Variants in ARHGEF38 observed in about 807,000 individuals in gnomAD.
ARHGEF38 encodes the protein Rho guanine nucleotide exchange factor 38, also known as Rho guanine nucleotide exchange factor (GEF) 38.
In ARHGEF38, 79 loss-of-function variants were observed where a neutral mutation model predicts 79.9. That is an observed-to-expected ratio of 0.99 (90% CI 0.82 to 1.19). ARHGEF38 has a LOEUF of 1.19. Among genes scored for constraint, ARHGEF38 ranks in the 50% most tolerant of loss-of-function variants. The pLI is 0.00. For synonymous variants in ARHGEF38, 366 were observed against 328.3 expected, an observed-to-expected ratio of 1.11 and a Z score of -1.24; for missense variants, 962 against 907.2, an observed-to-expected ratio of 1.06 and a Z score of -0.78.
chr4:105,618,378 C>T (rs1022706237), intron 3 of ARHGEF38, among the ~76,000 whole-genome samples: 36 of 152,146 alleles, frequency 2.4e-4, no homozygotes, highest in African/African-American at 8.2e-4. Context: ...TGGCTCACAC[C>T]TGTAATCCCA....
chr4:105,624,677 T>C (rs912842025), intron 3 of ARHGEF38, among the ~76,000 whole-genome samples: 5 of 152,200 alleles, frequency 3.3e-5, no homozygotes, highest in Admixed American at 3.3e-4. Context: ...GAGAACAGAA[T>C]GAGGCTAGGA....
At chr4:105,555,115 A>G (rs756861333) in intron 1 of ARHGEF38, among the ~76,000 whole-genome samples, 7 of 152,122 alleles carry the variant, frequency 4.6e-5, no homozygotes, top group Non-Finnish European at 8.8e-5. Flanking sequence ...TTTGCAGAAG[A>G]CCTCAGACTT....
chr4:105,627,563 G>A (rs570864266), intron 3 of ARHGEF38, among the ~76,000 whole-genome samples: 6 of 152,230 alleles, frequency 3.9e-5, no homozygotes, highest in South Asian at 2.1e-4. Context: ...TTTGCATGGC[G>A]ATTGCTTTTT....
In ARHGEF38 at chr4:105,680,374, G is replaced by C. The variant is rs1006482411; in HGVS notation, c.*2437G>C. On this transcript the variant is annotated 3_prime_UTR_variant, in exon 14 of 14. Transcript: ENST00000420470. The stretch of plus-strand genomic sequence containing the variant: ...ATCTGTCCATTCATTCATTGAACCA[G>C]TAAGTATTTATTGAGAGTTAGTGGG... 8.5e-6 allele frequency: 2 copies of C among 234,974 alleles called. No homozygotes were observed. The highest frequency in any genetic ancestry group is 4.5e-5 in the African/African-American group (2 of 44,244). The allele number at this position is 234,974 out of a possible 1,614,324, so 14.6% of individuals were successfully genotyped here. A position where few individuals can be genotyped will look rare whatever the true frequency, so the allele number is the denominator to read the frequency against.
chr4:105,670,775 A>T (rs1002326590), intron 13 of ARHGEF38, among the ~76,000 whole-genome samples: 3 of 152,172 alleles, frequency 2.0e-5, no homozygotes, highest in Non-Finnish European at 4.4e-5. Context: ...GTCCTGTCAG[A>T]CTTTGCCTTG....
intron 3 of ARHGEF38, among the ~76,000 whole-genome samples, chr4:105,620,029 A>G (rs1728676429): frequency 6.6e-6 from 1 of 152,202 alleles, no homozygotes; most frequent in Non-Finnish European, 1.5e-5. Flanking sequence ...TTTACTCAAT[A>G]ATAACACTGG....
chr4:105,566,835 C>T (rs1725943649), intron 1 of ARHGEF38, among the ~76,000 whole-genome samples: 1 of 151,494 alleles, frequency 6.6e-6, no homozygotes, highest in Non-Finnish European at 1.5e-5. Flanking sequence ...CTCACCGCAA[C>T]CTCCACCTCC....
rs1002586412 is a variant in ARHGEF38, at chr4:105,659,200, C to T, written c.1380C>T (p.Asp460=). The change falls in exon 10 of 14, where the codon GAC becomes GAT. Residue 460 remains aspartate, a synonymous_variant. Coordinates refer to ENST00000420470, the MANE Select transcript of ARHGEF38 (RefSeq NM_001242729.2). Reference sequence around the variant, plus strand: ...AGCGATCAACGGGAGAGGAGTCAGACTTGGCCAAAAAGGAGTATGAGGCCC... The same window carrying T: ...AGCGATCAACGGGAGAGGAGTCAGATTTGGCCAAAAAGGAGTATGAGGCCC... The part of the protein sequence containing the change: ...YLQRSTGEES[D]LAKKEYEALN... 2.6e-6 allele frequency: 4 copies of T among 1,536,144 alleles called. No individual in the cohort carries two copies. Among genetic ancestry groups the T allele is most frequent in the Non-Finnish European group, 3.5e-6 (4 of 1,146,882 alleles).
chr4:105,623,510 T>C (rs1728822844), intron 3 of ARHGEF38, among the ~76,000 whole-genome samples: 1 of 152,088 alleles, frequency 6.6e-6, no homozygotes, highest in African/African-American at 2.4e-5. Context: ...AAAAAAGTTA[T>C]GTACCTTTTC....
Position 105,631,062 on chromosome 4 carries a change from T to C in ARHGEF38, c.656+17T>C, listed in dbSNP as rs1387822838. 1.1e-5 allele frequency: 17 copies of C among 1,598,828 alleles called. No homozygotes were observed. Among genetic ancestry groups the C allele is most frequent in the Non-Finnish European group, 1.4e-5 (17 of 1,175,124 alleles). ...GTCCTTAAAGTAAGGCCTTTTCAAA[T>C]GATGATTCCCATCTCCTCTCAGTTG... On this transcript the variant is annotated intron_variant, in intron 4 of 13. Coordinates refer to ENST00000420470, the MANE Select transcript of ARHGEF38 (RefSeq NM_001242729.2).
intron 1 of ARHGEF38, among the ~76,000 whole-genome samples, chr4:105,583,749 G>A (rs917629511): frequency 3.3e-5 from 5 of 152,062 alleles, no homozygotes; most frequent in African/African-American, 7.2e-5. Context: ...AGCCTAAGAT[G>A]ATTTTGGGCT....
intron 3 of ARHGEF38, among the ~76,000 whole-genome samples, chr4:105,617,144 A>G (rs1373606109): frequency 6.6e-6 from 1 of 152,228 alleles, no homozygotes; most frequent in Non-Finnish European, 1.5e-5. Context: ...CACAGAACCA[A>G]AGAAAAGCTT....
intron 4 of ARHGEF38, among the ~76,000 whole-genome samples, chr4:105,631,984 A>C (rs1322707924): frequency 1.3e-5 from 2 of 152,028 alleles, no homozygotes; most frequent in Non-Finnish European, 2.9e-5. Context: ...ATCCTGTAGC[A>C]CACCTCCCCC....
intron 4 of ARHGEF38, chr4:105,633,072 C>T (rs1729259933): frequency 6.5e-6 from 1 of 152,756 alleles, no homozygotes; most frequent in South Asian, 2.1e-4. Context: ...TCAGGTAATT[C>T]CCCTGGCCAT....
chr4:105,662,670 C>T (rs533457272), intron 10 of ARHGEF38, among the ~76,000 whole-genome samples: 2 of 152,240 alleles, frequency 1.3e-5, no homozygotes, highest in South Asian at 4.1e-4. Flanking sequence ...CTTGTTACTG[C>T]TTTCTCAATG....
At chr4:105,646,071 G>C (rs999147448) in intron 6 of ARHGEF38, among the ~76,000 whole-genome samples, 4 of 152,178 alleles carry the variant, frequency 2.6e-5, no homozygotes, top group African/African-American at 9.7e-5. Context: ...TAAGTTCTTA[G>C]TTGGTGTTGT....
intron 1 of ARHGEF38, among the ~76,000 whole-genome samples, chr4:105,553,220 T>G: frequency 6.6e-6 from 1 of 152,136 alleles, no homozygotes. Context: ...CTGGTGAGGG[T>G]AATCATTTTT....
chr4:105,679,923 T>C lies in ARHGEF38; in HGVS notation c.*1986T>C, dbSNP rs1198324963. 9 of 1,394,574 alleles carry C rather than the reference T, an allele frequency of 6.5e-6. No individual in the cohort carries two copies. In the East Asian group the frequency reaches 1.1e-4, roughly 18 times the overall value. 86.4% of individuals were successfully genotyped at this position (1,394,574 alleles called of 1,614,324 possible). On this transcript the variant is annotated 3_prime_UTR_variant, in exon 14 of 14. Transcript: ENST00000420470. ...TTGGTTGCCACCAAAACTTTATAAT[T>C]ACCTCTCTGAAGCCTTTTAGTGTAA...
chr4:105,562,065 G>T (rs1193919281), intron 1 of ARHGEF38, among the ~76,000 whole-genome samples: 1 of 152,102 alleles, frequency 6.6e-6, no homozygotes, highest in Non-Finnish European at 1.5e-5. Context: ...TACAGGGAGG[G>T]CACTTTTCTC....
Sources: allele counts gnomAD v4.1 joint callset (sites outside exome capture counted in the v4.1 genomes callset), GRCh38; gene constraint gnomAD v4.1.1; transcripts MANE v1.5; gene names NCBI Gene and HGNC (gene_info 2026-07-23, HGNC 2026-07-21).